The following CD163L1 variants were observed in gnomAD, a reference collection of about 807,000 sequenced individuals.
CD163L1 encodes the protein scavenger receptor cysteine-rich type 1 protein M160.
CD163L1 carries 124 observed loss-of-function variants against 165.4 expected under a neutral mutation model. The observed-to-expected ratio is 0.75, with a 90% CI of 0.65 to 0.87. The LOEUF (loss-of-function observed/expected upper bound fraction) is 0.87, where lower values mean the gene tolerates loss of function less well. Ranked by LOEUF, CD163L1 falls within the 40% of genes least tolerant of loss-of-function variation. CD163L1 has a pLI of 0.00. For synonymous variants in CD163L1, 585 were observed against 662.2 expected (o/e 0.88, Z 1.79); for missense variants, 1,525 against 1,799.9 (o/e 0.85, Z 2.76).
At chr12:7,418,750 C>G (rs1308412767) in intron 4 of CD163L1, among the ~76,000 whole-genome samples, 1 of 151,890 alleles carries the variant, frequency 6.6e-6, no homozygotes, top group Admixed American at 6.6e-5. Context: ...CCATGAACAT[C>G]CTTAAATGCA....
intron 4 of CD163L1, among the ~76,000 whole-genome samples, chr12:7,417,937 C>T (rs767931363): frequency 2.0e-5 from 3 of 151,774 alleles, no homozygotes; most frequent in Non-Finnish European, 4.4e-5. Flanking sequence ...AGGTCCTTAC[C>T]TATCAATAAC....
intron 8 of CD163L1, among the ~76,000 whole-genome samples, chr12:7,380,785 A>T (rs1041354416): frequency 1.3e-5 from 2 of 152,170 alleles, no homozygotes; most frequent in African/African-American, 4.8e-5. Flanking sequence ...GGAAATAAAA[A>T]ACTTTTTAAA....
In CD163L1 at chr12:7,402,369, T is replaced by TTG. The variant is rs527265060; in HGVS notation, c.1408+1164_1408+1165dup. ...ATCTTTCCATCCACATATAAGGTAT[T>TTG]TGTGTGTGTGTGTGTGTTTCATTTA... is the stretch of plus-strand genomic sequence containing the variant. On this transcript the variant is annotated intron_variant, in intron 6 of 19. Coordinates refer to ENST00000313599, the MANE Select transcript of CD163L1 (RefSeq NM_174941.6). Among the ~76,000 whole-genome samples, 662 of 151,456 alleles carry TTG rather than the reference T, an allele frequency of 4.4e-3. 29 individuals carry two copies. In the East Asian group the frequency reaches 0.07, roughly 16 times the overall value.
chr12:7,322,407 T>C, the CD163L1 span: 1 of 1,613,448 alleles, frequency 6.2e-7, no homozygotes, highest in Middle Eastern at 1.7e-4. Context: ...CATGCAACTC[T>C]GTCTCTCCAG....
At chr12:7,434,938 T>C (rs10431296) in intron 2 of CD163L1, among the ~76,000 whole-genome samples, 20,712 of 152,118 alleles carry the variant, frequency 0.14, 2,165 homozygotes, top group African/African-American at 0.29. Flanking sequence ...TATATTTCTC[T>C]TTCTCAGTTC....
the CD163L1 span, among the ~76,000 whole-genome samples, chr12:7,330,204 T>C: frequency 1.3e-5 from 2 of 152,210 alleles, no homozygotes; most frequent in African/African-American, 2.4e-5. Context: ...CAAATCCTTC[T>C]AGTCTGGTTT....
chr12:7,375,654 T>C, intron 10 of CD163L1, 46 bp downstream of exon 10: 2 of 1,610,244 alleles, frequency 1.2e-6, no homozygotes, highest in South Asian at 1.1e-5. Context: ...AGCCCCAAAC[T>C]CCCCATCTCT....
rs1323220753 is a variant in CD163L1, at chr12:7,421,565, A to G, written c.766+10851T>C. 4.4e-5 allele frequency among the ~76,000 whole-genome samples: 6 copies of G among 135,516 alleles called. No individual in the cohort carries two copies. The East Asian group carries it at 6.3e-4, about 14-fold the overall frequency. The allele number at this position is 135,516 out of a possible 152,430, so 88.9% of individuals were successfully genotyped here. ...TACACATATACATATACATATATGT[A>G]CATATATACATGTACATATATACAT... On this transcript the variant is annotated intron_variant, in intron 4 of 19. Transcript: ENST00000313599.
At chr12:7,329,189 T>G in the CD163L1 span, among the ~76,000 whole-genome samples, 1 of 148,444 alleles carries the variant, frequency 6.7e-6, no homozygotes, top group Non-Finnish European at 1.5e-5. Context: ...TATATACACA[T>G]AAAGCAAGAG....
rs1565775287 is a variant in CD163L1 at position 7,368,663 on chromosome 12, C to T, written c.4072+270G>A. ...TGAAGCTTGAGCTGTTTCTGCCAGT[C>T]TCATAAAGAATATTTGAGAATCTAG... On this transcript the variant is annotated intron_variant, in intron 16 of 19. Coordinates refer to ENST00000313599, the MANE Select transcript of CD163L1 (RefSeq NM_174941.6). The surrounding 1 kb of genome is among the most constrained non-coding windows in gnomAD (Gnocchi z 4.3). Among the ~76,000 whole-genome samples the T allele has an allele frequency of 6.6e-6, 1 of 151,598 alleles. No individual in the cohort carries two copies. Among genetic ancestry groups the T allele is most frequent in the African/African-American group, 2.4e-5 (1 of 41,242 alleles).
Position 7,368,302 on chromosome 12 carries a change from G to A in CD163L1, c.4073-105C>T. 1.6e-6 allele frequency: 1 copy of A among 609,238 alleles called. No homozygotes were observed. The highest frequency in any genetic ancestry group is 2.9e-6 in the Non-Finnish European group (1 of 341,558). The allele number at this position is 609,238 out of a possible 1,614,324, so 37.7% of individuals were successfully genotyped here. Reference sequence around the variant, plus strand: ...TCCCTAGTTGCTGAGAAGAATAATGGCTATACATTTCAACATATTCATGAA... The same window carrying A: ...TCCCTAGTTGCTGAGAAGAATAATGACTATACATTTCAACATATTCATGAA... On this transcript the variant is annotated intron_variant, in intron 16 of 19. Transcript: ENST00000313599. This position sits in a 1 kb window ranked among gnomAD's most constrained non-coding sequence, Gnocchi z 4.3.
intron 2 of CD163L1, chr12:7,439,551 T>C: frequency 6.4e-7 from 1 of 1,573,996 alleles, no homozygotes; most frequent in Non-Finnish European, 8.6e-7. Context: ...GGGAAGTATC[T>C]TCTTTTGTCT....
chr12:7,376,800 C>T (rs770276840), intron 9 of CD163L1, among the ~76,000 whole-genome samples: 3 of 152,232 alleles, frequency 2.0e-5, no homozygotes, highest in African/African-American at 7.2e-5. Flanking sequence ...ACCCTAGCGC[C>T]TTGATTGAGC....
chr12:7,341,469 C>A, the CD163L1 span, among the ~76,000 whole-genome samples: 3,361 of 152,234 alleles, frequency 0.022, 331 homozygotes, highest in East Asian at 0.32. Flanking sequence ...TCTCTTGTAA[C>A]AAATATTTTC....
rs1468392951 is a variant in CD163L1 at position 7,355,010 on chromosome 12, A to G, written c.*145T>C. 2 of 152,144 alleles carry G rather than the reference A, an allele frequency of 1.3e-5. No individual in the cohort carries two copies. The highest frequency in any genetic ancestry group is 3.9e-4 in the East Asian group (2 of 5,188). 9.4% of individuals were successfully genotyped at this position (152,144 alleles called of 1,614,324 possible). ...TTTTTATTATCACCAGTCTTTATCAATTTAGCTGTTCTCCTATTGTTCAAG... is the reference window on the plus strand; with the variant it reads ...TTTTTATTATCACCAGTCTTTATCAGTTTAGCTGTTCTCCTATTGTTCAAG... On this transcript the variant is annotated 3_prime_UTR_variant, in exon 20 of 20. Transcript: ENST00000313599.
At chr12:7,393,662 G>A (rs1303993404) in intron 8 of CD163L1, among the ~76,000 whole-genome samples, 3 of 152,102 alleles carry the variant, frequency 2.0e-5, no homozygotes, top group Admixed American at 1.3e-4. Context: ...TGATTGTATA[G>A]TTAGAAAACC....
At chr12:7,437,724 G>A (rs990902152) in intron 2 of CD163L1, among the ~76,000 whole-genome samples, 5 of 148,948 alleles carry the variant, frequency 3.4e-5, no homozygotes, top group African/African-American at 5.0e-5. Context: ...GAAAATACAG[G>A]TTTGTGGCTT....
At chr12:7,433,124 T>C (rs1397384568) in intron 3 of CD163L1, among the ~76,000 whole-genome samples, 2 of 152,188 alleles carry the variant, frequency 1.3e-5, no homozygotes, top group Non-Finnish European at 2.9e-5. Flanking sequence ...GATATTACAT[T>C]GGTAACTGTA....
chr12:7,321,816 A>G, the CD163L1 span, among the ~76,000 whole-genome samples: 1 of 152,204 alleles, frequency 6.6e-6, no homozygotes, highest in African/African-American at 2.4e-5. Flanking sequence ...CTTGCTAAGC[A>G]TCAACTCCAT....
Sources: gnomAD v4.1 joint callset for allele counts (sites outside exome capture counted in the v4.1 genomes callset) on GRCh38, gnomAD v4.1.1 for gene constraint, Gnocchi (gnomAD v3.1) non-coding constraint, MANE v1.5 for transcripts, NCBI Gene and HGNC (gene_info 2026-07-23, HGNC 2026-07-21) for gene names.